The following AGMO variants were observed in gnomAD, a reference collection of about 807,000 sequenced individuals.
The protein encoded by AGMO is glyceryl-ether monooxygenase.
In AGMO, 75 loss-of-function variants were observed where a neutral mutation model predicts 60.2. The observed-to-expected ratio is 1.25, with a 90% confidence interval of 1.03 to 1.51. AGMO has a LOEUF of 1.51. Ranked by LOEUF, AGMO falls within the 40% of genes most tolerant of loss-of-function variation. AGMO has a pLI of 0.00. For synonymous variants in AGMO, 261 were observed against 177.1 expected, an observed-to-expected ratio of 1.47 and a Z score of -3.76; for missense variants, 763 against 525.5, an observed-to-expected ratio of 1.45 and a Z score of -4.42.
intron 12 of AGMO, among the ~76,000 whole-genome samples, chr7:15,357,430 C>T (rs775191389): frequency 2.0e-4 from 31 of 151,918 alleles, no homozygotes; most frequent in Non-Finnish European, 4.3e-4. Context: ...TAAATAAAAC[C>T]TCAGCGTGGT....
intron 12 of AGMO, among the ~76,000 whole-genome samples, chr7:15,299,272 G>T (rs1784490022): frequency 1.3e-5 from 2 of 152,024 alleles, no homozygotes; most frequent in African/African-American, 4.8e-5. Flanking sequence ...TTGCTTCAGT[G>T]AAAGTAAAGT....
the AGMO span, among the ~76,000 whole-genome samples, chr7:15,149,239 G>T: frequency 1.3e-5 from 2 of 152,082 alleles, no homozygotes; most frequent in East Asian, 3.9e-4. Context: ...TGCATGGTTT[G>T]TAAATATTTT....
chr7:15,383,587 A>G (rs368109335), intron 10 of AGMO, among the ~76,000 whole-genome samples: 3 of 152,302 alleles, frequency 2.0e-5, no homozygotes, highest in South Asian at 2.1e-4. Flanking sequence ...GTACCTAACT[A>G]AAATAATTCC....
intron 12 of AGMO, among the ~76,000 whole-genome samples, chr7:15,204,944 C>A (rs895124723): frequency 2.6e-5 from 4 of 152,174 alleles, no homozygotes; most frequent in Non-Finnish European, 5.9e-5. Context: ...CCTCCCATCT[C>A]AGCCTCCCTA....
intron 12 of AGMO, among the ~76,000 whole-genome samples, chr7:15,229,650 T>G (rs1782192796): frequency 6.7e-6 from 1 of 148,240 alleles, no homozygotes; most frequent in Non-Finnish European, 1.5e-5. Flanking sequence ...ATGGATTCCT[T>G]TATAAGAATT....
chr7:15,219,316 T>C (rs1420015887), intron 12 of AGMO, among the ~76,000 whole-genome samples: 1 of 152,168 alleles, frequency 6.6e-6, no homozygotes, highest in African/African-American at 2.4e-5. Context: ...AGTGGCAGAA[T>C]GAAGTGCTGG....
rs71004372 is a variant in AGMO at position 15,248,223 on chromosome 7, T to TATATATA, written c.1264-46865_1264-46864insTATATAT. ...ATATATATATATATATATATATATA[T>TATATATA]ATCTTCATCTTCAATTCTAGTCTAA... is the stretch of plus-strand genomic sequence containing the variant. On this transcript the variant is annotated intron_variant, in intron 12 of 12. Coordinates refer to ENST00000342526, the MANE Select transcript of AGMO (RefSeq NM_001004320.2). 1.3e-3 allele frequency among the ~76,000 whole-genome samples: 147 copies of TATATATA among 111,976 alleles called. 5 individuals are homozygous for TATATATA. Among genetic ancestry groups the TATATATA allele is most frequent in the Non-Finnish European group, 2.4e-3 (125 of 52,896 alleles). The allele number at this position is 111,976 out of a possible 152,430, so 73.5% of individuals were successfully genotyped here.
At chr7:15,145,540 A>G in the AGMO span, among the ~76,000 whole-genome samples, 1 of 152,166 alleles carries the variant, frequency 6.6e-6, no homozygotes, top group Non-Finnish European at 1.5e-5. Context: ...AATGATGACT[A>G]TCTCAAGATG....
chr7:15,193,086 C>A, the AGMO span, among the ~76,000 whole-genome samples: 1 of 152,044 alleles, frequency 6.6e-6, no homozygotes, highest in African/African-American at 2.4e-5. Context: ...ATAAAATTAT[C>A]CGTATTCTTA....
Position 15,385,527 on chromosome 7 carries a change from T to C in AGMO, c.993A>G (p.Ser331=), listed in dbSNP as rs1783875354. The part of the protein sequence containing the change: ...TGKEVPFSSS[S]SQLLKIYTVV... ...CTGTATATATCTTTAATAGCTGAGATGAAGATGATGAGAAGGGAACTTCTT... is the reference window on the plus strand; with the variant it reads ...CTGTATATATCTTTAATAGCTGAGACGAAGATGATGAGAAGGGAACTTCTT... Residue 331 remains serine (S), a synonymous_variant, in exon 10 of 13, where the codon TCA becomes TCG. Transcript: ENST00000342526. 6.2e-7 allele frequency: 1 copy of C among 1,613,186 alleles called. No homozygotes were observed. Among genetic ancestry groups the C allele is most frequent in the Non-Finnish European group, 8.5e-7 (1 of 1,179,410 alleles).
the AGMO span, among the ~76,000 whole-genome samples, chr7:15,126,527 G>A: frequency 1.3e-4 from 20 of 152,160 alleles, no homozygotes; most frequent in East Asian, 1.7e-3. Context: ...AAATAAACTT[G>A]CGGACTAAGC....
At chr7:15,325,802 G>C (rs1781321953) in intron 12 of AGMO, among the ~76,000 whole-genome samples, 1 of 152,028 alleles carries the variant, frequency 6.6e-6, no homozygotes, top group African/African-American at 2.4e-5. Flanking sequence ...TATCTTAATA[G>C]GAAGTTTTAT....
At chr7:15,354,327 T>TGTATACACACGCGTGTATACAC (rs1491261219) in intron 12 of AGMO, among the ~76,000 whole-genome samples, 5 of 32,224 alleles carry the variant, frequency 1.6e-4, no homozygotes, top group African/African-American at 8.7e-4. Context: ...TGTATATACG[T>TGTATACACACGCGTGTATACAC]ACGCGTGTAT....
At chr7:15,224,007 T>TG (rs1284711510) in intron 12 of AGMO, among the ~76,000 whole-genome samples, 2 of 152,076 alleles carry the variant, frequency 1.3e-5, no homozygotes, top group African/African-American at 4.8e-5. Flanking sequence ...GATGAACCTC[T>TG]GGCATGTAAC....
In AGMO at chr7:15,282,017, C is replaced by T. The variant is rs74980618; in HGVS notation, c.1264-80658G>A. On this transcript the variant is annotated intron_variant, in intron 12 of 12. Coordinates refer to ENST00000342526, the MANE Select transcript of AGMO (RefSeq NM_001004320.2). Reference sequence around the variant, plus strand: ...ACCAAGAGCAGAATTAGCTTTCAATCTGCTATAAAAATTAAATTCACATCT... The same window carrying T: ...ACCAAGAGCAGAATTAGCTTTCAATTTGCTATAAAAATTAAATTCACATCT... Among the ~76,000 whole-genome samples the T allele has an allele frequency of 8.9e-3, 1,353 of 152,100 alleles. 24 individuals are homozygous for T. Among genetic ancestry groups the T allele is most frequent in the African/African-American group, 0.031 (1,291 of 41,494 alleles).
At chr7:15,387,262 G>A (rs892727197) in intron 9 of AGMO, 144 bp downstream of exon 9, 3 of 898,282 alleles carry the variant, frequency 3.3e-6, no homozygotes, top group Admixed American at 2.4e-5. Context: ...TACTCATTAA[G>A]TAAGTTATGC....
intron 12 of AGMO, among the ~76,000 whole-genome samples, chr7:15,225,345 C>T (rs1336661907): frequency 1.3e-5 from 2 of 151,856 alleles, no homozygotes; most frequent in East Asian, 3.9e-4. Context: ...TTCAGTTAAT[C>T]TTTGTATTTT....
intron 9 of AGMO, among the ~76,000 whole-genome samples, 172 bp downstream of exon 9, chr7:15,387,234 T>A (rs1305523263): frequency 6.6e-6 from 1 of 152,214 alleles, no homozygotes; most frequent in African/African-American, 2.4e-5. Context: ...CTCCTTTAAT[T>A]GGCACAAAGT....
intron 12 of AGMO, among the ~76,000 whole-genome samples, chr7:15,251,699 T>C (rs62450273): frequency 0.11 from 16,594 of 152,216 alleles, 1,220 homozygotes; most frequent in South Asian, 0.28. Context: ...AGGCTAGTGT[T>C]AGACATTCCT....
Sources: allele counts gnomAD v4.1 joint callset (sites outside exome capture counted in the v4.1 genomes callset), GRCh38; gene constraint gnomAD v4.1.1; transcripts MANE v1.5; gene names NCBI Gene and HGNC (gene_info 2026-07-23, HGNC 2026-07-21).